Variants in DMD observed in about 807,000 individuals in gnomAD.
DMD encodes dystrophin, also known as mutant dystrophin.
Under a neutral mutation model 330.1 loss-of-function variants are expected in DMD, and 63 were observed. That is an observed-to-expected ratio of 0.19 (90% CI 0.16 to 0.24). DMD has a LOEUF of 0.24. Ranked by LOEUF, DMD falls within the 10% of genes least tolerant of loss-of-function variation. The pLI is 1.00. For missense variants in DMD, 3,344 were observed against 2,684.1 expected, an observed-to-expected ratio of 1.25 and a Z score of -5.43; for synonymous variants, 1,223 against 959.8, an observed-to-expected ratio of 1.27 and a Z score of -5.07.
At chrX:32,244,243 G>C (rs775035073) in intron 43 of DMD, among the ~76,000 whole-genome samples, 1 of 106,682 alleles carries the variant, frequency 9.4e-6, no homozygotes, top group South Asian at 4.3e-4. Context: ...AGTTTACTGA[G>C]AATGACGGTT....
At position 32,438,336 on chromosome X, in the gene DMD, A is replaced by C; in HGVS notation, c.3976T>G (p.Leu1326Val). The C allele has an allele frequency of 8.3e-7, 1 of 1,211,473 alleles. No homozygotes were observed. Among genetic ancestry groups the C allele is most frequent in the Non-Finnish European group, 1.1e-6 (1 of 895,290 alleles). The change falls in exon 29 of 79, where the codon TTG becomes GTG. Residue 1326 changes from leucine to valine, a missense_variant. Leu to Val is a conservative substitution (Grantham distance 32). Transcript: ENST00000357033. ...SEDNPNQIRI[L>V]AQTLTDGGVM... The stretch of plus-strand genomic sequence containing the variant: ...CCGCCATCTGTTAGGGTCTGTGCCA[A>C]TATGCGAATCTGATTTGGGTTATCC...
intron 17 of DMD, among the ~76,000 whole-genome samples, chrX:32,538,177 A>G: frequency 8.9e-6 from 1 of 112,495 alleles, no homozygotes; most frequent in Admixed American, 9.4e-5. Flanking sequence ...TCTGAGCCCA[A>G]GCTAAGCCAT....
At chrX:31,311,396 A>G (rs1357231598) in intron 62 of DMD, among the ~76,000 whole-genome samples, 4 of 111,949 alleles carry the variant, frequency 3.6e-5, no homozygotes, top group African/African-American at 1.3e-4. Flanking sequence ...AACACATTCC[A>G]TGACATTTAT....
intron 78 of DMD, among the ~76,000 whole-genome samples, chrX:31,123,574 G>GTATC (rs1156260659): frequency 1.8e-5 from 2 of 111,891 alleles, no homozygotes; most frequent in East Asian, 5.6e-4. Context: ...GGCTTCCCCT[G>GTATC]TATCTATTTT....
intron 50 of DMD, among the ~76,000 whole-genome samples, chrX:31,812,428 G>A (rs1412840298): frequency 1.6e-5 from 1 of 62,764 alleles, no homozygotes. Context: ...GGGGTGGGGG[G>A]AGGGGGGAGG....
At chrX:31,242,280 A>AT in intron 63 of DMD, among the ~76,000 whole-genome samples, 1 of 104,950 alleles carries the variant, frequency 9.5e-6, no homozygotes, top group African/African-American at 3.5e-5. Context: ...AAAAAAAAAA[A>AT]AAAAAAAAAA....
intron 62 of DMD, among the ~76,000 whole-genome samples, chrX:31,281,465 A>G (rs137926005): frequency 0.047 from 5,260 of 112,075 alleles, 117 homozygotes; most frequent in Non-Finnish European, 0.075. Context: ...CTATGTAATC[A>G]TTAATAATCA....
At chrX:31,682,256 C>T (rs2082422255) in intron 52 of DMD, among the ~76,000 whole-genome samples, 1 of 111,394 alleles carries the variant, frequency 9.0e-6, no homozygotes, top group Admixed American at 9.5e-5. Flanking sequence ...AGGTTTATTT[C>T]TGTTTGGGTG....
intron 67 of DMD, among the ~76,000 whole-genome samples, chrX:31,190,983 G>A (rs893723693): frequency 8.9e-6 from 1 of 111,859 alleles, no homozygotes; most frequent in African/African-American, 3.3e-5. Context: ...TGAGGGTAGA[G>A]AGAGCAAAAG....
At chrX:32,638,753 T>C (rs1182861663) in intron 11 of DMD, among the ~76,000 whole-genome samples, 5 of 111,947 alleles carry the variant, frequency 4.5e-5, no homozygotes, top group African/African-American at 1.6e-4. Flanking sequence ...AATTTAGTTG[T>C]TCATCTATTC....
At chrX:31,331,302 G>C (rs191233138) in intron 61 of DMD, among the ~76,000 whole-genome samples, 2 of 111,182 alleles carry the variant, frequency 1.8e-5, no homozygotes, top group Admixed American at 1.9e-4. Context: ...TTTGATCTGG[G>C]AAGTCAAGAG....
intron 11 of DMD, among the ~76,000 whole-genome samples, chrX:32,633,762 A>C (rs1172002648): frequency 8.9e-6 from 1 of 111,816 alleles, no homozygotes. Context: ...ATTATGGCAG[A>C]AGGTGAAGGA....
At chrX:32,536,672 T>C (rs2048019213) in intron 17 of DMD, among the ~76,000 whole-genome samples, 1 of 112,227 alleles carries the variant, frequency 8.9e-6, no homozygotes, top group Non-Finnish European at 1.9e-5. Context: ...AGGAGTACAT[T>C]GATTTATATT....
At chrX:32,360,408 G>T (rs192493045) in intron 37 of DMD, among the ~76,000 whole-genome samples, 1 of 111,597 alleles carries the variant, frequency 9.0e-6, no homozygotes, top group Non-Finnish European at 1.9e-5. Context: ...TGGGGTCATT[G>T]TTACACTCAG....
At chrX:33,010,214 A>ATGTACATATGTGTGTATATG (rs1557208521) in intron 2 of DMD, among the ~76,000 whole-genome samples, 4 of 90,066 alleles carry the variant, frequency 4.4e-5, no homozygotes, top group Non-Finnish European at 8.3e-5. Flanking sequence ...GTGTGTGTAT[A>ATGTACATATGTGTGTATATG]TGTACATATG....
chrX:33,193,970 C>G (rs930598004), intron 1 of DMD, among the ~76,000 whole-genome samples: 3 of 109,855 alleles, frequency 2.7e-5, no homozygotes, highest in Non-Finnish European at 3.8e-5. Flanking sequence ...ATGTGGTTTG[C>G]GGCATCCAGG....
At chrX:31,813,486 G>A (rs1206863091) in intron 50 of DMD, among the ~76,000 whole-genome samples, 1 of 111,681 alleles carries the variant, frequency 9.0e-6, no homozygotes, top group Non-Finnish European at 1.9e-5. Context: ...CAGTTTCCCT[G>A]CACATGCTCT....
At chrX:32,838,269 ATTATTCT>A (rs983442798) in intron 4 of DMD, among the ~76,000 whole-genome samples, 38 of 110,713 alleles carry the variant, frequency 3.4e-4, no homozygotes, top group African/African-American at 1.2e-3. Flanking sequence ...TATATTTTTT[ATTATTCT>A]TTAAGTTCTG....
At chrX:31,697,346 G>C (rs926065224) in intron 52 of DMD, among the ~76,000 whole-genome samples, 2 of 111,687 alleles carry the variant, frequency 1.8e-5, no homozygotes, top group Non-Finnish European at 1.9e-5. Flanking sequence ...TGTAATTGAA[G>C]AGCTACCCAA....
Sources: gnomAD v4.1 joint callset for allele counts (sites outside exome capture counted in the v4.1 genomes callset) on GRCh38, gnomAD v4.1.1 for gene constraint, MANE v1.5 for transcripts, NCBI Gene and HGNC (gene_info 2026-07-23, HGNC 2026-07-21) for gene names.